INF2: variants seen among roughly 807,000 people sequenced by gnomAD.
The protein encoded by INF2 is inverted formin-2.
INF2 carries 43 observed loss-of-function variants against 123.5 expected under a neutral mutation model. The ratio of observed to expected loss-of-function variants is 0.35; its 90% CI spans 0.27 to 0.45. INF2 has a LOEUF of 0.45. INF2 is among the 20% of genes least tolerant of loss of function. INF2 has a pLI of 1.00. For synonymous variants in INF2, 851 were observed against 745.0 expected, an observed-to-expected ratio of 1.14 and a Z score of -2.32; for missense variants, 1,453 against 1,682.7, an observed-to-expected ratio of 0.86 and a Z score of 2.39.
rs1190580323 is a variant in INF2, at chr14:104,719,439, G to A, written c.*646G>A. The A allele has an allele frequency of 6.6e-6, 1 of 152,358 alleles. No individual in the cohort carries two copies. The highest frequency in any genetic ancestry group is 1.9e-4 in the East Asian group (1 of 5,152). 9.4% of individuals were successfully genotyped at this position (152,358 alleles called of 1,614,324 possible). The stretch of plus-strand genomic sequence containing the variant: ...AGTGCCAGCTGCCCAGCGTGGGCAG[G>A]CCCTGGGGACAATACAGGTCCACCT... On this transcript the variant is annotated 3_prime_UTR_variant, in exon 23 of 23. Coordinates refer to ENST00000392634, the MANE Select transcript of INF2 (RefSeq NM_022489.4).
chr14:104,692,823 G>T (rs1304171820), intron 1 of INF2, among the ~76,000 whole-genome samples: 1 of 152,270 alleles, frequency 6.6e-6, no homozygotes, highest in Non-Finnish European at 1.5e-5. Flanking sequence ...AAGGGCCAAG[G>T]CTGCTTTCCT....
intron 5 of INF2, chr14:104,704,897 G>C (rs770570933): frequency 2.0e-5 from 3 of 152,232 alleles, no homozygotes; most frequent in Non-Finnish European, 2.9e-5. Context: ...GTATATCCCA[G>C]ATGTTGCATG....
intron 1 of INF2, among the ~76,000 whole-genome samples, chr14:104,683,687 A>T (rs1888588915): frequency 6.7e-6 from 1 of 149,012 alleles, no homozygotes. Flanking sequence ...AAGTCTTGGC[A>T]CTACATCTCT....
intron 11 of INF2, 112 bp from the exon 12 acceptor site, chr14:104,709,508 C>T (rs546223859): frequency 7.7e-7 from 1 of 1,296,000 alleles, no homozygotes; most frequent in Non-Finnish European, 1.1e-6. Context: ...TGCCCTGAAC[C>T]GTGAGCCACA....
intron 1 of INF2, chr14:104,700,988 GCCTCC>G: frequency 2.0e-5 from 10 of 494,060 alleles, no homozygotes; most frequent in South Asian, 8.5e-5. Flanking sequence ...AGCCAGGGGA[GCCTCC>G]CGCTCCCCCG....
Position 104,707,811 on chromosome 14 carries a change from C to T in INF2, c.1544C>T (p.Pro515Leu). The T allele has an allele frequency of 6.4e-7, 1 of 1,551,476 alleles. No homozygotes were observed. The highest frequency in any genetic ancestry group is 8.7e-7 in the Non-Finnish European group (1 of 1,143,632). ...PLLPGMGWGP[P>L]PPPPPLLPCT... is the part of the protein sequence containing the mutation. ...CTGCCTGGTATGGGCTGGGGCCCTC[C>T]TCCACCCCCACCTCCACTACTGCCC... Residue 515 changes from proline to leucine, a missense_variant, in exon 8 of 23, where the codon CCT becomes CTT. Transcript: ENST00000392634.
chr14:104,687,699 T>C (rs1888700352), upstream of INF2, among the ~76,000 whole-genome samples: 1 of 152,052 alleles, frequency 6.6e-6, no homozygotes, highest in Admixed American at 6.5e-5. The surrounding 1 kb of genome is among the most constrained non-coding windows in gnomAD (Gnocchi z 5.6). Flanking sequence ...GGAGCGGCCC[T>C]GGGGGCGCTG....
intron 7 of INF2, 73 bp from the exon 8 acceptor site, chr14:104,707,180 G>T: frequency 6.6e-7 from 1 of 1,521,326 alleles, no homozygotes; most frequent in South Asian, 1.2e-5. Flanking sequence ...GCTTTTTCCT[G>T]CCTCTTCCTC....
At chr14:104,690,590 C>T (rs2140594056) in intron 1 of INF2, 1 of 152,620 alleles carries the variant, frequency 6.6e-6, no homozygotes, top group Non-Finnish European at 1.5e-5. Context: ...GGCAGGGAAC[C>T]AGGAACCCAG....
intron 10 of INF2, 76 bp downstream of exon 10, chr14:104,708,808 A>G (rs1456449968): frequency 6.8e-7 from 1 of 1,460,472 alleles, no homozygotes; most frequent in African/African-American, 1.4e-5. Context: ...TGGGCCCAGC[A>G]GTGCCCTCTG....
intron 15 of INF2, 45 bp from the exon 16 acceptor site, chr14:104,711,584 G>C (rs2140685390): frequency 5.2e-6 from 8 of 1,547,412 alleles, no homozygotes; most frequent in South Asian, 1.1e-5. Context: ...TCCCCAGGTG[G>C]AGAGTATGAC....
At chr14:104,682,360 G>A (rs1408710471) in intron 1 of INF2, among the ~76,000 whole-genome samples, 1 of 152,206 alleles carries the variant, frequency 6.6e-6, no homozygotes, top group Non-Finnish European at 1.5e-5. Context: ...AAGAGCTCAG[G>A]AGCAAATGGA....
intron 1 of INF2, among the ~76,000 whole-genome samples, chr14:104,700,387 G>C (rs1426853590): frequency 5.9e-5 from 9 of 152,140 alleles, no homozygotes; most frequent in Non-Finnish European, 1.5e-5. Context: ...GGCTCAGAGC[G>C]TGTCCCTGCC....
At chr14:104,711,503 G>T in intron 15 of INF2, 126 bp from the exon 16 acceptor site, 1 of 831,726 alleles carries the variant, frequency 1.2e-6, no homozygotes, top group Non-Finnish European at 2.1e-6. Flanking sequence ...AGATTTGAGG[G>T]TCTGGAGTAC....
In INF2 at chr14:104,720,693, G is replaced by T; in HGVS notation, c.*1900G>T. 3.4e-5 allele frequency: 1 copy of T among 29,258 alleles called. No homozygotes were observed. Among genetic ancestry groups the T allele is most frequent in the South Asian group, 1.3e-3 (1 of 768 alleles). 1.8% of individuals were successfully genotyped at this position (29,258 alleles called of 1,614,324 possible). On this transcript the variant is annotated 3_prime_UTR_variant, in exon 23 of 23. Transcript: ENST00000392634. ...GTGGACGTCTGCGTCGTCCTCGTGTGGATGCTGCTGTGGACGTCTGCGTCG... is the reference window on the plus strand; with the variant it reads ...GTGGACGTCTGCGTCGTCCTCGTGTTGATGCTGCTGTGGACGTCTGCGTCG...
intron 1 of INF2, among the ~76,000 whole-genome samples, chr14:104,696,479 G>A (rs1017117061): frequency 1.3e-5 from 2 of 152,244 alleles, no homozygotes; most frequent in African/African-American, 4.8e-5. Flanking sequence ...CCGGCAGTTG[G>A]TGAGCCACCA....
chr14:104,706,268 C>A, intron 6 of INF2, 92 bp downstream of exon 6: 1 of 1,314,496 alleles, frequency 7.6e-7, no homozygotes, highest in Non-Finnish European at 1.0e-6. Flanking sequence ...TCCTCCCTGC[C>A]CTGGTCAGAC....
Position 104,714,298 on chromosome 14 carries a change from G to T in INF2, c.3136G>T (p.Gly1046Cys). 3 of 1,592,404 alleles carry T rather than the reference G, an allele frequency of 1.9e-6. No homozygotes were observed. The highest frequency in any genetic ancestry group is 2.6e-6 in the Non-Finnish European group (3 of 1,170,766). ...LDATTASESR[G>C]WDLVDAVTPG... is the part of the protein sequence containing the mutation. ...TGCTACAACAGCCAGCGAGTCCCGG[G>T]GCTGGGACCTTGTAGACGCCGTGAC... The change falls in exon 21 of 23, where the codon GGC (glycine) becomes TGC (cysteine). Residue 1046 changes from glycine to cysteine, a missense_variant. Physicochemically the swap from Gly to Cys is radical, Grantham distance 159. This residue lies in a region of INF2 where 344 missense variants were observed against 333.1 expected (regional missense o/e 1.03). Transcript: ENST00000392634.
intron 1 of INF2, among the ~76,000 whole-genome samples, chr14:104,682,907 C>A (rs149034086): frequency 1.9e-3 from 296 of 152,222 alleles, no homozygotes; most frequent in African/African-American, 6.6e-3. Context: ...TCTGTGCATG[C>A]AGCCTGCGCT....
Sources: gnomAD v4.1 joint callset for allele counts (sites outside exome capture counted in the v4.1 genomes callset) on GRCh38, gnomAD v4.1.1 for gene constraint, gnomAD v4.1.1 regional missense constraint, Gnocchi (gnomAD v3.1) non-coding constraint, MANE v1.5 for transcripts, NCBI Gene and HGNC (gene_info 2026-07-23, HGNC 2026-07-21) for gene names.